Variants in HELQ observed in about 807,000 individuals in gnomAD.
The protein encoded by HELQ is helicase, POLQ like.
A neutral mutation model predicts 111.6 loss-of-function variants in HELQ; 77 were observed. The observed-to-expected ratio is 0.69, with a 90% confidence interval of 0.57 to 0.83. The LOEUF (loss-of-function observed/expected upper bound fraction) is 0.83, where lower values mean the gene tolerates loss of function less well. Among genes scored for constraint, HELQ ranks in the 40% least tolerant of loss-of-function variants. The pLI, the probability that HELQ is intolerant of heterozygous loss-of-function variation, is 0.00. For synonymous variants in HELQ, 438 were observed against 454.7 expected (o/e 0.96, Z 0.47); for missense variants, 1,200 against 1,288.5 (o/e 0.93, Z 1.05).
intron 17 of HELQ, among the ~76,000 whole-genome samples, chr4:83,415,881 A>C (rs1311525980): frequency 2.0e-5 from 3 of 151,636 alleles, no homozygotes; most frequent in African/African-American, 7.3e-5. Flanking sequence ...TCCTGGCTTC[A>C]AGTGATCCAC....
At chr4:83,420,212 C>T (rs546489792) in intron 15 of HELQ, among the ~76,000 whole-genome samples, 1 of 152,322 alleles carries the variant, frequency 6.6e-6, no homozygotes, top group East Asian at 1.9e-4. Context: ...AGTCTTAAAT[C>T]CATCACAAAT....
At position 83,443,610 on chromosome 4, in the gene HELQ, C is replaced by T. The variant is rs181780148; in HGVS notation, c.1470G>A (p.Thr490=). The change falls in exon 6 of 18, where the codon ACG becomes ACA. Residue 490 remains threonine, a synonymous_variant. Transcript: ENST00000295488. Reference sequence around the variant, plus strand: ...TTGCACTCATACCAATAATTTGAGTCGTTTCTAAAACACAAACAAACAAAA... The same window carrying T: ...TTGCACTCATACCAATAATTTGAGTTGTTTCTAAAACACAAACAAACAAAA... ...TLAKILYTSK[T]TQIIGMSATL... is the part of the protein sequence containing the mutation. 8.1e-5 allele frequency: 120 copies of T among 1,479,634 alleles called. No homozygotes were observed. In the East Asian group the frequency reaches 1.6e-3, roughly 20 times the overall value. The allele number at this position is 1,479,634 out of a possible 1,614,324, so 91.7% of individuals were successfully genotyped here.
chr4:83,419,161 A>ATTT (rs34131623), intron 15 of HELQ, among the ~76,000 whole-genome samples: 2 of 135,790 alleles, frequency 1.5e-5, no homozygotes, highest in African/African-American at 2.7e-5. Flanking sequence ...ACACCATGAG[A>ATTT]TTTTTTTTTT....
At chr4:83,450,356 A>G (rs1721290782) in intron 2 of HELQ, among the ~76,000 whole-genome samples, 3 of 150,498 alleles carry the variant, frequency 2.0e-5, no homozygotes, top group Admixed American at 6.6e-5. Context: ...AGATGAGCCC[A>G]TCTCTATTAA....
In HELQ at chr4:83,427,719, T is replaced by C; in HGVS notation, c.2520A>G (p.Gly840=). The C allele has an allele frequency of 6.6e-7, 1 of 1,523,764 alleles. No homozygotes were observed. Among genetic ancestry groups the C allele is most frequent in the Non-Finnish European group, 8.8e-7 (1 of 1,135,546 alleles). 94.4% of individuals were successfully genotyped at this position (1,523,764 alleles called of 1,614,324 possible). The stretch of plus-strand genomic sequence containing the variant: ...TGTCACAATAAGCTAAATCTATAGT[T>C]CCTAAAAGAAAGATACAAATATTCA... ...ITKLGRASFK[G]TIDLAYCDIL... is the part of the protein sequence containing the mutation. The change falls in exon 13 of 18, where the codon GGA becomes GGG. Residue 840 remains glycine (G), a splice_region_variant and synonymous_variant. Coordinates refer to ENST00000295488, the MANE Select transcript of HELQ (RefSeq NM_133636.5).
At position 83,427,607 on chromosome 4, in the gene HELQ, G is replaced by A. The variant is rs1459185555; in HGVS notation, c.2632C>T (p.Leu878=). The change falls in exon 13 of 18, where the codon CTG becomes TTG. Residue 878 remains leucine (L), a synonymous_variant. Coordinates refer to ENST00000295488, the MANE Select transcript of HELQ (RefSeq NM_133636.5). The stretch of plus-strand genomic sequence containing the variant: ...CAATCAGGGTTACACTGTGAAACCA[G>A]ATCATAGGGGGTTGTTAGGTAGATT... The part of the protein sequence containing the change: ...HLIYLTTPYD[L]VSQCNPDWMI... 2 of 1,603,972 alleles carry A rather than the reference G, an allele frequency of 1.2e-6. No homozygotes were observed. The highest frequency in any genetic ancestry group is 1.7e-5 in the Admixed American group (1 of 57,952).
chr4:83,443,833 G>A (rs1206233326), intron 5 of HELQ, among the ~76,000 whole-genome samples: 2 of 151,814 alleles, frequency 1.3e-5, no homozygotes, highest in Non-Finnish European at 2.9e-5. Context: ...TCGCTTGAGG[G>A]CAGGACTTCA....
At chr4:83,420,512 C>T (rs1194374064) in intron 15 of HELQ, among the ~76,000 whole-genome samples, 1 of 150,406 alleles carries the variant, frequency 6.6e-6, no homozygotes, top group African/African-American at 2.4e-5. Flanking sequence ...TGGTTGGGCG[C>T]TGTGGCTCAT....
chr4:83,443,442 C>T, intron 6 of HELQ, 75 bp downstream of exon 6: 2 of 666,924 alleles, frequency 3.0e-6, no homozygotes, highest in East Asian at 2.7e-5. Context: ...TCTTTAAATC[C>T]TATGTTTACT....
intron 2 of HELQ, among the ~76,000 whole-genome samples, chr4:83,450,664 CA>C (rs11353264): frequency 0.15 from 18,106 of 120,032 alleles, 3,663 homozygotes; most frequent in African/African-American, 0.47. Context: ...ATCTTCACAT[CA>C]AAAAAAAAAA....
At chr4:83,442,524 G>C (rs1440987371) in intron 6 of HELQ, among the ~76,000 whole-genome samples, 1 of 150,222 alleles carries the variant, frequency 6.7e-6, no homozygotes, top group African/African-American at 2.5e-5. Flanking sequence ...CGATTCTCCT[G>C]CCTCAGCCTC....
chr4:83,442,461 A>G (rs1720820268), intron 6 of HELQ, among the ~76,000 whole-genome samples: 1 of 149,364 alleles, frequency 6.7e-6, no homozygotes, highest in Non-Finnish European at 1.5e-5. Flanking sequence ...GCAAGGCTGG[A>G]GTGCAGTGGC....
At chr4:83,411,074 C>A (rs1739064081) in intron 17 of HELQ, among the ~76,000 whole-genome samples, 1 of 146,080 alleles carries the variant, frequency 6.8e-6, no homozygotes, top group Non-Finnish European at 1.5e-5. Context: ...GTGGGAGGAT[C>A]ACCTGAGCTT....
rs369210574 is a variant in HELQ, at chr4:83,408,241, G to A, written c.3199-681C>T. On this transcript the variant is annotated intron_variant, in intron 17 of 17. Transcript: ENST00000295488. The stretch of plus-strand genomic sequence containing the variant: ...ACCAATTTGTGGAAGAATAAATTCC[G>A]CTCCCCCCCACCCGCCTTTTTTTCT... Among the ~76,000 whole-genome samples the A allele has an allele frequency of 1.1e-3, 173 of 151,950 alleles. 2 individuals carry two copies. Among genetic ancestry groups the A allele is most frequent in the African/African-American group, 3.5e-3 (147 of 41,480 alleles).
chr4:83,448,283 A>C (rs936743649), intron 3 of HELQ, among the ~76,000 whole-genome samples: 1 of 152,232 alleles, frequency 6.6e-6, no homozygotes, highest in African/African-American at 2.4e-5. Flanking sequence ...AGAAAAAGTA[A>C]AACTTTCAAC....
intron 2 of HELQ, among the ~76,000 whole-genome samples, chr4:83,450,144 C>T (rs1308761239): frequency 7.5e-6 from 1 of 133,538 alleles, no homozygotes; most frequent in African/African-American, 2.7e-5. Flanking sequence ...AATTATTGTA[C>T]AATCAACCAA....
intron 14 of HELQ, among the ~76,000 whole-genome samples, chr4:83,425,333 T>A (rs1418164017): frequency 2.0e-5 from 3 of 147,472 alleles, no homozygotes; most frequent in Non-Finnish European, 3.0e-5. Context: ...TAGGTTTCAA[T>A]GTAAATTGGA....
In HELQ at chr4:83,441,449, T is replaced by C. The variant is rs751916358; in HGVS notation, c.1564-46A>G. 9.0e-6 allele frequency: 8 copies of C among 884,598 alleles called. No individual in the cohort carries two copies. The East Asian group carries it at 1.0e-4, about 11-fold the overall frequency. The allele number at this position is 884,598 out of a possible 1,614,324, so 54.8% of individuals were successfully genotyped here. On this transcript the variant is annotated intron_variant, in intron 6 of 17. Coordinates refer to ENST00000295488, the MANE Select transcript of HELQ (RefSeq NM_133636.5). ...GCAATTAATACGACATATAAATTCA[T>C]CTTTCCAGTGTTTTAAATATTGTAA... is the stretch of plus-strand genomic sequence containing the variant.
intron 3 of HELQ, 107 bp from the exon 4 acceptor site, chr4:83,447,142 A>T: frequency 1.4e-6 from 1 of 720,328 alleles, no homozygotes; most frequent in Non-Finnish European, 2.3e-6. Context: ...GAGCCCAGGA[A>T]GGTGAGACCA....
Sources: gnomAD v4.1 joint callset for allele counts (sites outside exome capture counted in the v4.1 genomes callset) on GRCh38, gnomAD v4.1.1 for gene constraint, MANE v1.5 for transcripts, NCBI Gene and HGNC (gene_info 2026-07-23, HGNC 2026-07-21) for gene names.